LCT: variants seen among roughly 807,000 people sequenced by gnomAD.
LCT encodes the protein lactase/phlorizin hydrolase.
In LCT, 90 loss-of-function variants were observed where a neutral mutation model predicts 173.0. That is an observed-to-expected ratio of 0.52 (90% CI 0.44 to 0.62). The LOEUF (loss-of-function observed/expected upper bound fraction) is 0.62, where lower values mean the gene tolerates loss of function less well. Ranked by LOEUF, LCT falls within the 20% of genes least tolerant of loss-of-function variation. The pLI is 0.00. For synonymous variants in LCT, 853 were observed against 957.6 expected, an observed-to-expected ratio of 0.89 and a Z score of 2.02; for missense variants, 1,864 against 2,431.4, an observed-to-expected ratio of 0.77 and a Z score of 4.91.
Position 135,807,125 on chromosome 2 carries a change from C to T in LCT, c.4173+3G>A. 3 of 1,614,182 alleles carry T rather than the reference C, an allele frequency of 1.9e-6. No individual in the cohort carries two copies. The South Asian group carries it at 3.3e-5, about 18-fold the overall frequency. On this transcript the variant is annotated splice_donor_region_variant and intron_variant, in intron 9 of 16. Coordinates refer to ENST00000264162, the MANE Select transcript of LCT (RefSeq NM_002299.4). ...TGGTGTCCCACCATCCTGAACTCCT[C>T]ACCTGATATGCAGCAGAAGCTGCAC...
rs553510817 is a variant in LCT at position 135,813,149 on chromosome 2, A to G, written c.1708-193T>C. ...GTCATCAACAAATAACAATGTTGAC[A>G]CTAACATCAATGATGTTAACAAGTC... On this transcript the variant is annotated intron_variant, in intron 6 of 16. Coordinates refer to ENST00000264162, the MANE Select transcript of LCT (RefSeq NM_002299.4). 2.0e-5 allele frequency among the ~76,000 whole-genome samples: 3 copies of G among 152,372 alleles called. No homozygotes were observed. In the South Asian group the frequency reaches 6.2e-4, roughly 32 times the overall value.
Position 135,790,612 on chromosome 2 carries a change from T to G in LCT, c.5335+46A>C. 1 of 1,251,092 alleles carries G rather than the reference T, an allele frequency of 8.0e-7. No individual in the cohort carries two copies. The highest frequency in any genetic ancestry group is 1.2e-6 in the Non-Finnish European group (1 of 851,126). 77.5% of individuals were successfully genotyped at this position (1,251,092 alleles called of 1,614,324 possible). On this transcript the variant is annotated intron_variant, in intron 15 of 16. Transcript: ENST00000264162. This position sits in a 1 kb window ranked among gnomAD's most constrained non-coding sequence, Gnocchi z 4.1. ...CACACTCCTGCAAATAGCAGATGTT[T>G]CCAACAGGGGAAGGTGCACGCTGGG...
intron 2 of LCT, 39 bp downstream of exon 2, chr2:135,833,072 T>G: frequency 6.9e-7 from 1 of 1,442,250 alleles, no homozygotes; most frequent in Non-Finnish European, 9.8e-7. Context: ...AATCAAACTC[T>G]CCTCAGATGT....
rs1310445675 is a variant in LCT, at chr2:135,790,782, C to T, written c.5211G>A (p.Lys1737=). 2 of 1,614,048 alleles carry T rather than the reference C, an allele frequency of 1.2e-6. No homozygotes were observed. The highest frequency in any genetic ancestry group is 1.7e-5 in the Admixed American group (1 of 60,032). ...AAATTGGAGGGTCATTGTATTCCTC[C>T]TTTAACCAGTTCAGGATCCTCCTGA... ...FGFRRILNWL[K]EEYNDPPIYV... Residue 1737 remains lysine (K), a synonymous_variant, in exon 15 of 17, where the codon AAG becomes AAA. Transcript: ENST00000264162. This position sits in a 1 kb window ranked among gnomAD's most constrained non-coding sequence, Gnocchi z 4.1.
chr2:135,795,055 A>G (rs987035070), intron 13 of LCT, among the ~76,000 whole-genome samples: 6 of 152,266 alleles, frequency 3.9e-5, no homozygotes, highest in African/African-American at 1.4e-4. Context: ...GCACACACAC[A>G]CACACACACA....
At chr2:135,803,555 G>A (rs1364924509) in intron 11 of LCT, among the ~76,000 whole-genome samples, 1 of 152,200 alleles carries the variant, frequency 6.6e-6, no homozygotes, top group African/African-American at 2.4e-5. Context: ...TATTAAATGA[G>A]CTCAGGTCAG....
intron 2 of LCT, 70 bp from the exon 3 acceptor site, chr2:135,829,746 C>A (rs569505168): frequency 1.9e-6 from 2 of 1,072,416 alleles, no homozygotes; most frequent in African/African-American, 1.6e-5. Flanking sequence ...CTCAGAAGTA[C>A]GCTTTTTTGT....
In LCT at chr2:135,790,552, C is replaced by T. The variant is rs903602986; in HGVS notation, c.5335+106G>A. On this transcript the variant is annotated intron_variant, in intron 15 of 16. Coordinates refer to ENST00000264162, the MANE Select transcript of LCT (RefSeq NM_002299.4). This position sits in a 1 kb window ranked among gnomAD's most constrained non-coding sequence, Gnocchi z 4.1. ...CCCCCACAGGAGCAAGAAGGCTTAT[C>T]GTTCTCTTCTTACTGTGGCCCAAGG... 1.3e-5 allele frequency: 10 copies of T among 742,258 alleles called. No homozygotes were observed. The highest frequency in any genetic ancestry group is 1.1e-4 in the Admixed American group (5 of 44,234). 46.0% of individuals were successfully genotyped at this position (742,258 alleles called of 1,614,324 possible). A position where few individuals can be genotyped will look rare whatever the true frequency, so the allele number is the denominator to read the frequency against.
At chr2:135,797,861 C>A (rs184581948) in intron 13 of LCT, among the ~76,000 whole-genome samples, 168 bp downstream of exon 13, 11 of 152,290 alleles carry the variant, frequency 7.2e-5, no homozygotes, top group African/African-American at 2.4e-4. Flanking sequence ...TAATAGCAAA[C>A]CCCTCTGTCA....
chr2:135,815,412 C>T (rs1199746603), intron 6 of LCT, among the ~76,000 whole-genome samples: 1 of 152,148 alleles, frequency 6.6e-6, no homozygotes, highest in East Asian at 1.9e-4. Context: ...TCAAACCTTC[C>T]ATTTTCAGAA....
intron 3 of LCT, among the ~76,000 whole-genome samples, chr2:135,828,672 G>A (rs1421377666): frequency 1.3e-5 from 2 of 152,204 alleles, no homozygotes; most frequent in Non-Finnish European, 2.9e-5. Flanking sequence ...AAGCAAGTAA[G>A]TCACACAGCA....
intron 11 of LCT, among the ~76,000 whole-genome samples, chr2:135,802,869 T>C (rs1189693324): frequency 2.0e-5 from 3 of 152,148 alleles, no homozygotes. Flanking sequence ...CCCAGCACTT[T>C]GGGAGGCTGA....
chr2:135,798,196 G>A (rs1258584712), intron 12 of LCT, 58 bp from the exon 13 acceptor site: 5 of 901,060 alleles, frequency 5.5e-6, no homozygotes, highest in African/African-American at 4.8e-5. Context: ...GCAAGAGACA[G>A]CATCGTCCCC....
rs149657775 is a variant in LCT at position 135,808,952 on chromosome 2, T to C, written c.3395A>G (p.Lys1132Arg). 5.0e-6 allele frequency: 8 copies of C among 1,613,934 alleles called. No homozygotes were observed. Among genetic ancestry groups the C allele is most frequent in the Admixed American group, 1.7e-5 (1 of 60,000 alleles). ...CACATCTCTGGGGACCCCTGGTGAC[T>C]TGGGCTCTGCCCAGTGTGTACTGAG... ...LSLSTHWAEP[K>R]SPGVPRDVEA... is the part of the protein sequence containing the mutation. The change falls in exon 8 of 17, where the codon AAG (lysine) becomes AGG (arginine). Residue 1132 changes from lysine to arginine, a missense_variant. Around this residue, in one of 4 missense-constraint regions of LCT, gnomAD observed 755 missense variants for 926.3 expected, o/e 0.82. Transcript: ENST00000264162.
At chr2:135,794,038 C>T (rs1290902179) in intron 14 of LCT, among the ~76,000 whole-genome samples, 1 of 151,244 alleles carries the variant, frequency 6.6e-6, no homozygotes, top group Non-Finnish European at 1.5e-5. Flanking sequence ...TACTTGGAGG[C>T]TGAGGCAGGG....
In LCT at chr2:135,836,881, G is replaced by T. The variant is rs1234094603; in HGVS notation, c.289C>A (p.Leu97Ile). The change falls in exon 1 of 17, where the codon CTC becomes ATC. Residue 97 changes from leucine (L) to isoleucine (I), a missense_variant. Leu to Ile is a conservative substitution (Grantham distance 5). Around this residue, in one of 4 missense-constraint regions of LCT, gnomAD observed 412 missense variants for 462.0 expected, o/e 0.89. Coordinates refer to ENST00000264162, the MANE Select transcript of LCT (RefSeq NM_002299.4). ...GGATTCTGGGTGCTTCCTGCTGGGAGGAGCTGTGCCCATGACAGAAATACC... is the reference window on the plus strand; with the variant it reads ...GGATTCTGGGTGCTTCCTGCTGGGATGAGCTGTGCCCATGACAGAAATACC... The part of the protein sequence containing the change: ...YKVFLSWAQL[L>I]PAGSTQNPDE... The T allele has an allele frequency of 1.2e-6, 2 of 1,614,206 alleles. No homozygotes were observed. The highest frequency in any genetic ancestry group is 2.2e-5 in the South Asian group (2 of 91,086).
chr2:135,825,172 T>C (rs559844152), intron 3 of LCT, among the ~76,000 whole-genome samples: 8 of 152,168 alleles, frequency 5.3e-5, no homozygotes, highest in Non-Finnish European at 1.2e-4. Context: ...AGTTTGGTCA[T>C]TTTACTCACA....
At position 135,789,551 on chromosome 2, in the gene LCT, C is replaced by A; in HGVS notation, c.5563+20G>T. 6.3e-7 allele frequency: 1 copy of A among 1,590,782 alleles called. No homozygotes were observed. The highest frequency in any genetic ancestry group is 1.1e-5 in the South Asian group (1 of 90,606). On this transcript the variant is annotated intron_variant, in intron 16 of 16. Transcript: ENST00000264162. ...GCCCTTCACCCTTAGGCTTTATTCC[C>A]TCCCAGAGCCACATCTCACCTGGCT... is the stretch of plus-strand genomic sequence containing the variant.
intron 6 of LCT, among the ~76,000 whole-genome samples, chr2:135,816,775 A>T (rs1049404262): frequency 2.6e-5 from 4 of 152,194 alleles, no homozygotes; most frequent in African/African-American, 9.7e-5. Flanking sequence ...ATCCTGTCTG[A>T]GCCTCACTCA....
Sources: allele counts gnomAD v4.1 joint callset (sites outside exome capture counted in the v4.1 genomes callset), GRCh38; gene constraint gnomAD v4.1.1; regional missense constraint gnomAD v4.1.1; non-coding constraint Gnocchi (gnomAD v3.1); transcripts MANE v1.5; gene names NCBI Gene and HGNC (gene_info 2026-07-23, HGNC 2026-07-21).